Variants in OR4K15 observed in about 807,000 individuals in gnomAD.
OR4K15 encodes olfactory receptor family 4 subfamily K member 15.
For missense variants in OR4K15, 392 were observed against 390.2 expected, an observed-to-expected ratio of 1.00 and a Z score of -0.04; for synonymous variants, 144 against 145.6, an observed-to-expected ratio of 0.99 and a Z score of 0.08.
Position 19,976,113 on chromosome 14 carries a change from G to C in OR4K15, c.523G>C (p.Asp175His), listed in dbSNP as rs912670863. ...GCCATTTTGTGGTCCTAATAAGGTA[G>C]ACAGTTTTTTCTGTGACCTTCCTCT... ...NLPFCGPNKV[D>H]SFFCDLPLVT... Residue 175 changes from aspartate to histidine, a missense_variant, in exon 1 of 1, where the codon GAC becomes CAC. Coordinates refer to ENST00000305051, the MANE Select transcript of OR4K15 (RefSeq NM_001005486.2). 5 of 1,613,856 alleles carry C rather than the reference G, an allele frequency of 3.1e-6. No homozygotes were observed. The highest frequency in any genetic ancestry group is 1.7e-4 in the Middle Eastern group (1 of 6,056).
In OR4K15 at chr14:19,976,060, C is replaced by T. The variant is rs199987412; in HGVS notation, c.470C>T (p.Thr157Ile). The T allele has an allele frequency of 2.4e-5, 38 of 1,613,700 alleles. No individual in the cohort carries two copies. The highest frequency in any genetic ancestry group is 8.0e-5 in the African/African-American group (6 of 74,870). ...TGGTTTGTGGGCTTCATCCATACTA[C>T]CAGCCAGTTGGCATTCACTGTTAAT... Reference protein sequence around the residue: ...ISWFVGFIHTTSQLAFTVNLP... With the variant: ...ISWFVGFIHTISQLAFTVNLP... The change falls in exon 1 of 1, where the codon ACC becomes ATC. Residue 157 changes from threonine (T) to isoleucine (I), a missense_variant. Thr to Ile is a moderately conservative substitution (Grantham distance 89, BLOSUM62 -1). Transcript: ENST00000305051.
In OR4K15 at chr14:19,975,982, A is replaced by G; in HGVS notation, c.392A>G (p.His131Arg). The G allele has an allele frequency of 6.2e-7, 1 of 1,613,458 alleles. No individual in the cohort carries two copies. Among genetic ancestry groups the G allele is most frequent in the South Asian group, 1.1e-5 (1 of 91,056 alleles). Residue 131 changes from histidine (H) to arginine (R), a missense_variant, in exon 1 of 1, where the codon CAC becomes CGC. By Grantham distance (29) the His-to-Arg change is conservative. Coordinates refer to ENST00000305051, the MANE Select transcript of OR4K15 (RefSeq NM_001005486.2). ...DRYVAICKPLHYMTVMSRRVC... is the reference protein window; with the variant it reads ...DRYVAICKPLRYMTVMSRRVC... ...TATGTTGCTATATGCAAACCTCTCC[A>G]CTACATGACAGTCATGAGCCGTCGT...
rs1384210699 is a variant in OR4K15, at chr14:19,976,480, C to T, written c.890C>T (p.Ala297Val). The change falls in exon 1 of 1, where the codon GCT (alanine) becomes GTT (valine). Residue 297 changes from alanine (A) to valine (V), a missense_variant. Ala to Val is a moderately conservative substitution (Grantham distance 64, BLOSUM62 0). Coordinates refer to ENST00000305051, the MANE Select transcript of OR4K15 (RefSeq NM_001005486.2). ...YTLRNKEVKA[A>V]MSKLKSRYLK... ...CTAAGAAACAAAGAAGTGAAGGCAG[C>T]TATGTCAAAACTGAAGAGTCGGTAT... 6.2e-7 allele frequency: 1 copy of T among 1,613,512 alleles called. No homozygotes were observed. The highest frequency in any genetic ancestry group is 1.1e-5 in the South Asian group (1 of 91,058).
In OR4K15 at chr14:19,975,858, A is replaced by G; in HGVS notation, c.268A>G (p.Lys90Glu). Reference protein sequence around the residue: ...KMIADFLVERKTISFDACLAQ... With the variant: ...KMIADFLVERETISFDACLAQ... ...GATTGCAGACTTTCTGGTTGAGCGC[A>G]AGACTATTTCTTTTGATGCCTGCCT... Residue 90 changes from lysine to glutamate, a missense_variant, in exon 1 of 1, where the codon AAG becomes GAG. Transcript: ENST00000305051. 6.2e-7 allele frequency: 1 copy of G among 1,613,568 alleles called. No individual in the cohort carries two copies. Among genetic ancestry groups the G allele is most frequent in the Non-Finnish European group, 8.5e-7 (1 of 1,179,748 alleles).
chr14:19,976,036 G>T lies in OR4K15; in HGVS notation c.446G>T (p.Trp149Leu). 1 of 1,613,738 alleles carries T rather than the reference G, an allele frequency of 6.2e-7. No individual in the cohort carries two copies. The highest frequency in any genetic ancestry group is 8.5e-7 in the Non-Finnish European group (1 of 1,179,824). Reference protein sequence around the residue: ...RVCVVLVLISWFVGFIHTTSQ... With the variant: ...RVCVVLVLISLFVGFIHTTSQ... Reference sequence around the variant, plus strand: ...TGTGTTGTGCTCGTCCTCATTTCATGGTTTGTGGGCTTCATCCATACTACC... The same window carrying T: ...TGTGTTGTGCTCGTCCTCATTTCATTGTTTGTGGGCTTCATCCATACTACC... The change falls in exon 1 of 1, where the codon TGG becomes TTG. Residue 149 changes from tryptophan (W) to leucine (L), a missense_variant. Transcript: ENST00000305051.
In OR4K15 at chr14:19,976,010, A is replaced by C; in HGVS notation, c.420A>C (p.Val140=). 2 of 1,613,678 alleles carry C rather than the reference A, an allele frequency of 1.2e-6. No individual in the cohort carries two copies. The highest frequency in any genetic ancestry group is 2.7e-5 in the African/African-American group (2 of 74,916). Residue 140 remains valine (V), a synonymous_variant, in exon 1 of 1, where the codon GTA becomes GTC. Coordinates refer to ENST00000305051, the MANE Select transcript of OR4K15 (RefSeq NM_001005486.2). ...ACATGACAGTCATGAGCCGTCGTGTATGTGTTGTGCTCGTCCTCATTTCAT... is the reference window on the plus strand; with the variant it reads ...ACATGACAGTCATGAGCCGTCGTGTCTGTGTTGTGCTCGTCCTCATTTCAT... The part of the protein sequence containing the change: ...LHYMTVMSRR[V]CVVLVLISWF...
rs1228629961 is a variant in OR4K15, at chr14:19,975,949, A to T, written c.359A>T (p.Tyr120Phe). ...ATGGTGCTCCTAGTTTCCATGGCCT[A>T]TGACCGTTATGTTGCTATATGCAAA... The part of the protein sequence containing the change: ...SEMVLLVSMA[Y>F]DRYVAICKPL... The change falls in exon 1 of 1, where the codon TAT becomes TTT. Residue 120 changes from tyrosine (Y) to phenylalanine (F), a missense_variant. Transcript: ENST00000305051. 10 of 1,613,656 alleles carry T rather than the reference A, an allele frequency of 6.2e-6. No homozygotes were observed. Among genetic ancestry groups the T allele is most frequent in the Non-Finnish European group, 8.5e-6 (10 of 1,179,824 alleles).
chr14:19,975,812 C>G lies in OR4K15; in HGVS notation c.222C>G (p.Ala74=). Residue 74 remains alanine (A), a synonymous_variant, in exon 1 of 1, where the codon GCC becomes GCG. Coordinates refer to ENST00000305051, the MANE Select transcript of OR4K15 (RefSeq NM_001005486.2). ...ANLSFIDVCV[A]SFATPKMIAD... The stretch of plus-strand genomic sequence containing the variant: ...TGTCATTTATAGACGTATGTGTTGC[C>G]TCTTTTGCTACCCCTAAAATGATTG... The G allele has an allele frequency of 6.2e-7, 1 of 1,613,502 alleles. No individual in the cohort carries two copies.
rs546275925 is a variant in OR4K15, at chr14:19,975,681, T to C, written c.91T>C (p.Phe31Leu). The change falls in exon 1 of 1, where the codon TTT becomes CTT. Residue 31 changes from phenylalanine (F) to leucine (L), a missense_variant. Phe to Leu is a conservative substitution (Grantham distance 22). Coordinates refer to ENST00000305051, the MANE Select transcript of OR4K15 (RefSeq NM_001005486.2). ...RELQPFLFLT[F>L]SLLYLAILLG... is the part of the protein sequence containing the mutation. The stretch of plus-strand genomic sequence containing the variant: ...GCTCCAACCTTTCTTGTTTCTTACA[T>C]TTTCACTACTTTATCTAGCAATTCT... 6.2e-7 allele frequency: 1 copy of C among 1,613,462 alleles called. No homozygotes were observed. Among genetic ancestry groups the C allele is most frequent in the East Asian group, 2.2e-5 (1 of 44,864 alleles).
In OR4K15 at chr14:19,976,279, C is replaced by T. The variant is rs1426645723; in HGVS notation, c.689C>T (p.Ser230Phe). ...VILVTVRNRS[S>F]ASMAKARSTL... ...CTTGTTACAGTTAGGAATCGCTCCT[C>T]TGCAAGCATGGCGAAGGCCCGCTCC... The change falls in exon 1 of 1, where the codon TCT becomes TTT. Residue 230 changes from serine to phenylalanine, a missense_variant. By Grantham distance (155) the Ser-to-Phe change is radical. Coordinates refer to ENST00000305051, the MANE Select transcript of OR4K15 (RefSeq NM_001005486.2). The T allele has an allele frequency of 1.9e-6, 3 of 1,613,748 alleles. No homozygotes were observed. The highest frequency in any genetic ancestry group is 2.2e-5 in the East Asian group (1 of 44,872).
In OR4K15 at chr14:19,976,192, C is replaced by G. The variant is rs1883025679; in HGVS notation, c.602C>G (p.Ala201Gly). 6.2e-7 allele frequency: 1 copy of G among 1,613,692 alleles called. No individual in the cohort carries two copies. The highest frequency in any genetic ancestry group is 1.7e-5 in the Admixed American group (1 of 59,970). The change falls in exon 1 of 1, where the codon GCA becomes GGA. Residue 201 changes from alanine to glycine, a missense_variant. By Grantham distance (60) the Ala-to-Gly change is moderately conservative (BLOSUM62 0). Transcript: ENST00000305051. ...TATGTTGTCAGCTTACTAATAGTTG[C>G]AGATAGTGGCTTTCTTTCTCTGAGT... ...DTYVVSLLIV[A>G]DSGFLSLSSF...
rs754085404 is a variant in OR4K15 at position 19,976,280 on chromosome 14, T to A, written c.690T>A (p.Ser230=). 3 of 1,613,764 alleles carry A rather than the reference T, an allele frequency of 1.9e-6. No homozygotes were observed. The highest frequency in any genetic ancestry group is 2.2e-5 in the South Asian group (2 of 91,078). The change falls in exon 1 of 1, where the codon TCT becomes TCA. Residue 230 remains serine, a synonymous_variant. Coordinates refer to ENST00000305051, the MANE Select transcript of OR4K15 (RefSeq NM_001005486.2). ...VILVTVRNRS[S]ASMAKARSTL... ...TTGTTACAGTTAGGAATCGCTCCTC[T>A]GCAAGCATGGCGAAGGCCCGCTCCA...
At position 19,975,962 on chromosome 14, in the gene OR4K15, T is replaced by C; in HGVS notation, c.372T>C (p.Val124=). 6.2e-7 allele frequency: 1 copy of C among 1,613,776 alleles called. No individual in the cohort carries two copies. The highest frequency in any genetic ancestry group is 8.5e-7 in the Non-Finnish European group (1 of 1,179,820). ...LLVSMAYDRY[V]AICKPLHYMT... is the part of the protein sequence containing the mutation. Reference sequence around the variant, plus strand: ...TTTCCATGGCCTATGACCGTTATGTTGCTATATGCAAACCTCTCCACTACA... The same window carrying C: ...TTTCCATGGCCTATGACCGTTATGTCGCTATATGCAAACCTCTCCACTACA... The change falls in exon 1 of 1, where the codon GTT becomes GTC. Residue 124 remains valine, a synonymous_variant. Transcript: ENST00000305051.
At position 19,975,854 on chromosome 14, in the gene OR4K15, G is replaced by T. The variant is rs1883016472; in HGVS notation, c.264G>T (p.Glu88Asp). 6.2e-7 allele frequency: 1 copy of T among 1,613,548 alleles called. No homozygotes were observed. Among genetic ancestry groups the T allele is most frequent in the East Asian group, 2.2e-5 (1 of 44,858 alleles). ...AAATGATTGCAGACTTTCTGGTTGA[G>T]CGCAAGACTATTTCTTTTGATGCCT... is the stretch of plus-strand genomic sequence containing the variant. ...TPKMIADFLV[E>D]RKTISFDACL... Residue 88 changes from glutamate (E) to aspartate (D), a missense_variant, in exon 1 of 1, where the codon GAG becomes GAT. By Grantham distance (45) the Glu-to-Asp change is conservative. Coordinates refer to ENST00000305051, the MANE Select transcript of OR4K15 (RefSeq NM_001005486.2).
In OR4K15 at chr14:19,975,846, C is replaced by G. The variant is rs1364527128; in HGVS notation, c.256C>G (p.Leu86Val). Residue 86 changes from leucine (L) to valine (V), a missense_variant, in exon 1 of 1, where the codon CTG (leucine) becomes GTG (valine). Physicochemically the swap from Leu to Val is conservative, Grantham distance 32. Coordinates refer to ENST00000305051, the MANE Select transcript of OR4K15 (RefSeq NM_001005486.2). Reference sequence around the variant, plus strand: ...TACCCCTAAAATGATTGCAGACTTTCTGGTTGAGCGCAAGACTATTTCTTT... The same window carrying G: ...TACCCCTAAAATGATTGCAGACTTTGTGGTTGAGCGCAAGACTATTTCTTT... ...FATPKMIADF[L>V]VERKTISFDA... 2 of 1,613,556 alleles carry G rather than the reference C, an allele frequency of 1.2e-6. No homozygotes were observed. The highest frequency in any genetic ancestry group is 1.7e-4 in the Middle Eastern group (1 of 6,056).
chr14:19,975,656 G>A lies in OR4K15; in HGVS notation c.66G>A (p.Glu22=), dbSNP rs267603915. 1 of 1,613,464 alleles carries A rather than the reference G, an allele frequency of 6.2e-7. No individual in the cohort carries two copies. The highest frequency in any genetic ancestry group is 8.5e-7 in the Non-Finnish European group (1 of 1,179,590). The change falls in exon 1 of 1, where the codon GAG becomes GAA. Residue 22 remains glutamate, a synonymous_variant. Coordinates refer to ENST00000305051, the MANE Select transcript of OR4K15 (RefSeq NM_001005486.2). ...TGCTGGGACTGTCTAGTTCAAGGGA[G>A]CTCCAACCTTTCTTGTTTCTTACAT... The part of the protein sequence containing the change: ...FVLLGLSSSR[E]LQPFLFLTFS...
rs776042991 is a variant in OR4K15, at chr14:19,975,707, G to C, written c.117G>C (p.Leu39=). ...LTFSLLYLAI[L]LGNFLIILTV... ...TTTCACTACTTTATCTAGCAATTCT[G>C]TTGGGCAACTTTCTCATCATCCTCA... The change falls in exon 1 of 1, where the codon CTG becomes CTC. Residue 39 remains leucine (L), a synonymous_variant. Transcript: ENST00000305051. The C allele has an allele frequency of 6.2e-7, 1 of 1,613,216 alleles. No individual in the cohort carries two copies. Among genetic ancestry groups the C allele is most frequent in the Non-Finnish European group, 8.5e-7 (1 of 1,179,568 alleles).
rs1331389007 is a variant in OR4K15, at chr14:19,975,705, C to A, written c.115C>A (p.Leu39Met). The A allele has an allele frequency of 3.7e-6, 6 of 1,613,306 alleles. No individual in the cohort carries two copies. The highest frequency in any genetic ancestry group is 5.1e-6 in the Non-Finnish European group (6 of 1,179,588). Reference sequence around the variant, plus strand: ...ATTTTCACTACTTTATCTAGCAATTCTGTTGGGCAACTTTCTCATCATCCT... The same window carrying A: ...ATTTTCACTACTTTATCTAGCAATTATGTTGGGCAACTTTCTCATCATCCT... ...LTFSLLYLAI[L>M]LGNFLIILTV... is the part of the protein sequence containing the mutation. The change falls in exon 1 of 1, where the codon CTG becomes ATG. Residue 39 changes from leucine to methionine, a missense_variant. Coordinates refer to ENST00000305051, the MANE Select transcript of OR4K15 (RefSeq NM_001005486.2).
In OR4K15 at chr14:19,976,130, C is replaced by G. The variant is rs762483551; in HGVS notation, c.540C>G (p.Asp180Glu). ...ATAAGGTAGACAGTTTTTTCTGTGA[C>G]CTTCCTCTAGTGACCAAGTTAGCCT... ...GPNKVDSFFC[D>E]LPLVTKLACI... Residue 180 changes from aspartate (D) to glutamate (E), a missense_variant, in exon 1 of 1, where the codon GAC (aspartate) becomes GAG (glutamate). By Grantham distance (45) the Asp-to-Glu change is conservative. Coordinates refer to ENST00000305051, the MANE Select transcript of OR4K15 (RefSeq NM_001005486.2). 3 of 1,613,706 alleles carry G rather than the reference C, an allele frequency of 1.9e-6. No homozygotes were observed. Among genetic ancestry groups the G allele is most frequent in the Non-Finnish European group, 2.5e-6 (3 of 1,179,814 alleles).
Sources: gnomAD v4.1 joint callset for allele counts on GRCh38, gnomAD v4.1.1 for gene constraint, MANE v1.5 for transcripts, NCBI Gene and HGNC (gene_info 2026-07-23, HGNC 2026-07-21) for gene names.